MYBPC1: variants seen among roughly 807,000 people sequenced by gnomAD.
The protein encoded by MYBPC1 is myosin-binding protein C, slow-type.
In MYBPC1, 52 loss-of-function variants were observed where a neutral mutation model predicts 147.1. The ratio of observed to expected loss-of-function variants is 0.35; its 90% CI spans 0.28 to 0.45. The LOEUF (loss-of-function observed/expected upper bound fraction) is 0.45, where lower values mean the gene tolerates loss of function less well. Ranked by LOEUF, MYBPC1 falls within the 20% of genes least tolerant of loss-of-function variation. The probability of loss-of-function intolerance (pLI) is 1.00; values close to 1 mark genes in which losing one functional copy is unlikely to be tolerated. For missense variants in MYBPC1, 1,228 were observed against 1,440.3 expected, an observed-to-expected ratio of 0.85 and a Z score of 2.39; for synonymous variants, 477 against 475.9, an observed-to-expected ratio of 1.00 and a Z score of -0.03.
chr12:101,629,657 G>T, intron 6 of MYBPC1, 113 bp downstream of exon 6: 1 of 768,252 alleles, frequency 1.3e-6, no homozygotes, highest in Non-Finnish European at 2.2e-6. Context: ...CAGATCATTT[G>T]AGCTCAGGAG....
At chr12:101,662,116 G>A (rs867557429) in intron 20 of MYBPC1, among the ~76,000 whole-genome samples, 16 of 151,770 alleles carry the variant, frequency 1.1e-4, no homozygotes, top group South Asian at 1.0e-3. Context: ...ACTTAACTGT[G>A]ATCCATTTTT....
chr12:101,689,004 A>G (rs139075636), downstream of MYBPC1, among the ~76,000 whole-genome samples: 2,216 of 152,084 alleles, frequency 0.015, 24 homozygotes, highest in South Asian at 0.035. Flanking sequence ...CGTGCCTTCA[A>G]GTAATTTATA....
chr12:101,691,728 G>A, the MYBPC1 span, among the ~76,000 whole-genome samples: 1 of 152,112 alleles, frequency 6.6e-6, no homozygotes, highest in Non-Finnish European at 1.5e-5. Flanking sequence ...GGCATACAAG[G>A]GATTCTTTGT....
intron 1 of MYBPC1, among the ~76,000 whole-genome samples, chr12:101,612,434 G>A (rs1884633533): frequency 6.6e-6 from 1 of 152,144 alleles, no homozygotes; most frequent in Non-Finnish European, 1.5e-5. Context: ...GTCAGAAGGG[G>A]AACAGAAATG....
At chr12:101,666,682 A>G in intron 22 of MYBPC1, 2 of 1,398,256 alleles carry the variant, frequency 1.4e-6, no homozygotes, top group East Asian at 4.6e-5. Flanking sequence ...GACTGCTGAT[A>G]CGATATTATT....
At chr12:101,659,602 T>G in intron 18 of MYBPC1, 70 bp from the exon 19 acceptor site, 4 of 1,544,248 alleles carry the variant, frequency 2.6e-6, no homozygotes, top group Middle Eastern at 1.9e-4. Context: ...ATTGCTCAAT[T>G]TATAGGAGAC....
intron 3 of MYBPC1, among the ~76,000 whole-genome samples, chr12:101,625,632 C>A (rs1565914550): frequency 6.6e-6 from 1 of 152,208 alleles, no homozygotes; most frequent in Non-Finnish European, 1.5e-5. Flanking sequence ...TAACAGGAAA[C>A]AATACCGACG....
At chr12:101,595,778 A>C (rs937271505) in intron 1 of MYBPC1, among the ~76,000 whole-genome samples, 13 of 152,288 alleles carry the variant, frequency 8.5e-5, no homozygotes. Flanking sequence ...AGAATAGTTA[A>C]GCTGAAAGTA....
chr12:101,669,954 A>AAAT, intron 23 of MYBPC1: 1 of 344,744 alleles, frequency 2.9e-6, no homozygotes, highest in Non-Finnish European at 5.5e-6. Context: ...AAAAAAAAGA[A>AAAT]ACTATGAAAA....
chr12:101,677,186 G>A, intron 26 of MYBPC1, 49 bp from the exon 27 acceptor site: 1 of 1,569,150 alleles, frequency 6.4e-7, no homozygotes. Flanking sequence ...TAGAAAAATT[G>A]TATACTTTTA....
At chr12:101,682,945 A>ATT (rs1342601004) in intron 30 of MYBPC1, among the ~76,000 whole-genome samples, 2 of 152,226 alleles carry the variant, frequency 1.3e-5, no homozygotes, top group African/African-American at 4.8e-5. Flanking sequence ...GTTTTATATA[A>ATT]TAAGACTATC....
At chr12:101,691,950 G>T in the MYBPC1 span, among the ~76,000 whole-genome samples, 1 of 152,204 alleles carries the variant, frequency 6.6e-6, no homozygotes, top group African/African-American at 2.4e-5. Context: ...GGTTGTGTGG[G>T]AGTAAGAGGG....
chr12:101,619,774 T>G (rs558489936), intron 3 of MYBPC1, among the ~76,000 whole-genome samples: 80 of 152,296 alleles, frequency 5.3e-4, no homozygotes, highest in South Asian at 1.7e-3. Flanking sequence ...ATTTAATTGG[T>G]TGACATATAT....
chr12:101,680,486 T>C lies in MYBPC1; in HGVS notation c.3390T>C (p.Asn1130=), dbSNP rs1342334022. 2 of 1,614,128 alleles carry C rather than the reference T, an allele frequency of 1.2e-6. No homozygotes were observed. The highest frequency in any genetic ancestry group is 1.1e-5 in the South Asian group (1 of 91,088). The change falls in exon 29 of 32, where the codon AAT becomes AAC. Residue 1130 remains asparagine, a synonymous_variant. Transcript: ENST00000361466. ...DGGTYCCKAV[N]DLGTVEIECK... ...GCACTTACTGCTGCAAAGCAGTCAA[T>C]GACCTTGGGACAGTGGAGATTGAAT...
chr12:101,636,711 T>TGGTC lies in MYBPC1; in HGVS notation c.649_652dup (p.Leu218ArgfsTer6). On this transcript the variant is annotated frameshift_variant, in exon 10 of 32. Transcript: ENST00000361466. LOFTEE classifies it high-confidence loss of function. ...AGGATGCAGGAGAACTTGACTTTAGTGGTCTCCTGAAACGTAGGTGAGAAC... is the reference window on the plus strand; with the variant it reads ...AGGATGCAGGAGAACTTGACTTTAGTGGTCGGTCTCCTGAAACGTAGGTGAGAAC... 1 of 1,613,688 alleles carries TGGTC rather than the reference T, an allele frequency of 6.2e-7. No homozygotes were observed. Among genetic ancestry groups the TGGTC allele is most frequent in the Non-Finnish European group, 8.5e-7 (1 of 1,179,606 alleles).
Position 101,604,664 on chromosome 12 carries a change from C to T in MYBPC1, c.25+9569C>T, listed in dbSNP as rs376241936. Among the ~76,000 whole-genome samples the T allele has an allele frequency of 3.5e-4, 54 of 152,266 alleles. 1 individual carries two copies. Among genetic ancestry groups the T allele is most frequent in the African/African-American group, 1.1e-3 (46 of 41,548 alleles). ...GATATCAGTTATTAGTAGCATGTGA[C>T]ACCCTGAGGGCCCAAATTATTTGCT... On this transcript the variant is annotated intron_variant, in intron 1 of 31. Coordinates refer to ENST00000361466, the MANE Select transcript of MYBPC1 (RefSeq NM_002465.4).
intron 26 of MYBPC1, 107 bp from the exon 27 acceptor site, chr12:101,677,128 T>C: frequency 8.9e-7 from 1 of 1,119,614 alleles, no homozygotes; most frequent in South Asian, 1.4e-5. Context: ...GTGGTCTTTT[T>C]TTCTTTTTGT....
rs775213682 is a variant in MYBPC1 at position 101,631,628 on chromosome 12, C to T, written c.347C>T (p.Thr116Ile). The stretch of plus-strand genomic sequence containing the variant: ...GCTGAAGATCTTCTGAGAAAACCCA[C>T]TATCAAATGGTTCAAAGGAAAATGG... Reference protein sequence around the residue: ...VKAEDLLRKPTIKWFKGKWMD... With the variant: ...VKAEDLLRKPIIKWFKGKWMD... The change falls in exon 7 of 32, where the codon ACT (threonine) becomes ATT (isoleucine). Residue 116 changes from threonine to isoleucine, a missense_variant. This residue lies in a region of MYBPC1 where 1,077 missense variants were observed against 1,314.2 expected (regional missense o/e 0.82). Coordinates refer to ENST00000361466, the MANE Select transcript of MYBPC1 (RefSeq NM_002465.4). 15 of 1,614,066 alleles carry T rather than the reference C, an allele frequency of 9.3e-6. No homozygotes were observed. In the Admixed American group the frequency reaches 2.2e-4, roughly 23 times the overall value.
intron 3 of MYBPC1, among the ~76,000 whole-genome samples, chr12:101,617,592 G>T (rs971793254): frequency 3.9e-4 from 59 of 151,326 alleles, no homozygotes; most frequent in African/African-American, 1.3e-3. Context: ...GAATTACCCG[G>T]TTTTTTTTTA....
Sources: allele counts gnomAD v4.1 joint callset (sites outside exome capture counted in the v4.1 genomes callset), GRCh38; gene constraint gnomAD v4.1.1; regional missense constraint gnomAD v4.1.1; transcripts MANE v1.5; gene names NCBI Gene and HGNC (gene_info 2026-07-23, HGNC 2026-07-21).